The following DIDO1 variants were observed in gnomAD, a reference collection of about 807,000 sequenced individuals.
DIDO1 encodes death-inducer obliterator 1.
In DIDO1, 16 loss-of-function variants were observed where a neutral mutation model predicts 99.4. The observed-to-expected ratio is 0.16, with a 90% CI of 0.11 to 0.24. DIDO1 has a LOEUF of 0.24. Among genes scored for constraint, DIDO1 ranks in the 10% least tolerant of loss-of-function variants. The pLI is 1.00. For missense variants in DIDO1, 2,996 were observed against 3,014.0 expected (o/e 0.99, Z 0.14); for synonymous variants, 1,366 against 1,239.1 (o/e 1.10, Z -2.15).
chr20:62,900,838 C>T (rs2064655313), intron 6 of DIDO1, among the ~76,000 whole-genome samples: 1 of 152,188 alleles, frequency 6.6e-6, no homozygotes, highest in African/African-American at 2.4e-5. Flanking sequence ...GCTCTAAGGG[C>T]TGTTTCTATG....
chr20:62,912,711 C>A (rs2064969199), intron 2 of DIDO1, among the ~76,000 whole-genome samples: 1 of 152,164 alleles, frequency 6.6e-6, no homozygotes, highest in Non-Finnish European at 1.5e-5. Flanking sequence ...GGGGGAAGGA[C>A]TGGCATAAAA....
chr20:62,905,358 T>A, intron 6 of DIDO1: 1 of 1,439,904 alleles, frequency 6.9e-7, no homozygotes. Context: ...AAATCCCCTA[T>A]CTGCCCAGTC....
At position 62,910,764 on chromosome 20, in the gene DIDO1, CAT is replaced by C. The variant is rs778096151; in HGVS notation, c.839+8_839+9del. On this transcript the variant is annotated splice_region_variant and intron_variant, in intron 3 of 15. Transcript: ENST00000395343. ...CCTGGGATTTCTGTGGGTGCCCACA[CAT>C]GACCCACCTGTTGTTGTGAGGCTGG... 237 of 1,604,694 alleles carry C rather than the reference CAT, an allele frequency of 1.5e-4. No individual in the cohort carries two copies. The African/African-American group carries it at 1.6e-3, about 11-fold the overall frequency.
At chr20:62,931,982 CCAA>C (rs967742878) in intron 1 of DIDO1, among the ~76,000 whole-genome samples, 6 of 151,840 alleles carry the variant, frequency 4.0e-5, no homozygotes, top group Non-Finnish European at 8.8e-5. Context: ...GGAGGAAATA[CCAA>C]CAACAACAAC....
intron 2 of DIDO1, among the ~76,000 whole-genome samples, chr20:62,913,599 T>C (rs2064987106): frequency 6.6e-6 from 1 of 152,254 alleles, no homozygotes; most frequent in African/African-American, 2.4e-5. Context: ...CAAGCCAAAA[T>C]ATTTGCAAGA....
chr20:62,890,381 T>G (rs999105721), intron 15 of DIDO1: 11 of 987,082 alleles, frequency 1.1e-5, no homozygotes, highest in Non-Finnish European at 1.2e-5. Flanking sequence ...TTAGGCTATT[T>G]GTAAATAATC....
At chr20:62,905,733 C>T (rs1328568051) in intron 6 of DIDO1, 154 bp downstream of exon 6, 1 of 1,606,810 alleles carries the variant, frequency 6.2e-7, no homozygotes, top group East Asian at 2.2e-5. Context: ...AGGAGGCATC[C>T]TGGACATGGG....
Position 62,894,470 on chromosome 20 carries a change from C to T in DIDO1, c.2515G>A (p.Asp839Asn). The change falls in exon 11 of 16, where the codon GAC becomes AAC. Residue 839 changes from aspartate (D) to asparagine (N), a missense_variant. By Grantham distance (23) the Asp-to-Asn change is conservative (BLOSUM62 1). Transcript: ENST00000395343. The surrounding 1 kb of genome is among the most constrained non-coding windows in gnomAD (Gnocchi z 4.4). ...TGTGCGCGGTGCTGACTGGTGGTGT[C>T]TTTCAACATGCTGCTGAAGACGTCG... Reference protein sequence around the residue: ...LLDVFSSMLKDTTSQHRAHLF... With the variant: ...LLDVFSSMLKNTTSQHRAHLF... The T allele has an allele frequency of 6.2e-7, 1 of 1,613,626 alleles. No individual in the cohort carries two copies. The highest frequency in any genetic ancestry group is 8.5e-7 in the Non-Finnish European group (1 of 1,180,020).
In DIDO1 at chr20:62,907,195, C is replaced by A; in HGVS notation, c.1326G>T (p.Lys442Asn). Residue 442 changes from lysine to asparagine, a missense_variant, in exon 5 of 16, where the codon AAG (lysine) becomes AAT (asparagine). Transcript: ENST00000395343. ...TGGGCTTCTCTGGCTTCATCTTCAT[C>A]TTTTCTTTAGGCTTTGGCTTCTGTT... The part of the protein sequence containing the change: ...GKEQKPKPKE[K>N]MKMKPEKPSL... The A allele has an allele frequency of 6.2e-7, 1 of 1,614,258 alleles. No homozygotes were observed. The highest frequency in any genetic ancestry group is 1.1e-5 in the South Asian group (1 of 91,090).
chr20:62,881,162 AC>A lies in DIDO1; in HGVS notation c.4793del (p.Gly1598ValfsTer266). 6.2e-7 allele frequency: 1 copy of A among 1,608,268 alleles called. No homozygotes were observed. On this transcript the variant is annotated frameshift_variant, in exon 16 of 16. Coordinates refer to ENST00000395343, the MANE Select transcript of DIDO1 (RefSeq NM_001193369.2). LOFTEE classifies it low-confidence loss of function (END_TRUNC). This position sits in a 1 kb window ranked among gnomAD's most constrained non-coding sequence, Gnocchi z 8.3. ...GALPERDASR[G>X]GLVGQAPMPV... is the part of the protein sequence containing the mutation. ...GCATGGGCGCCTGGCCCACGAGGCC[AC>A]CCCTGGAAGCATCTCTCTCGGGCAG... is the stretch of plus-strand genomic sequence containing the variant.
In DIDO1 at chr20:62,881,628, T is replaced by C. The variant is rs1192510042; in HGVS notation, c.4328A>G (p.Asp1443Gly). The C allele has an allele frequency of 2.5e-6, 4 of 1,612,500 alleles. No homozygotes were observed. The highest frequency in any genetic ancestry group is 1.1e-5 in the South Asian group (1 of 91,076). ...ILEEAKVTVD[D>G]LPNRMCADVR... Reference sequence around the variant, plus strand: ...GTCGGCACACATCCTGTTGGGCAGGTCATCAACAGTCACTTTCGCTTCTTC... The same window carrying C: ...GTCGGCACACATCCTGTTGGGCAGGCCATCAACAGTCACTTTCGCTTCTTC... The change falls in exon 16 of 16, where the codon GAC (aspartate) becomes GGC (glycine). Residue 1443 changes from aspartate to glycine, a missense_variant. Around this residue, in one of 5 missense-constraint regions of DIDO1, gnomAD observed 1,562 missense variants for 1,412.6 expected, o/e 1.11. Transcript: ENST00000395343. The surrounding 1 kb of genome is among the most constrained non-coding windows in gnomAD (Gnocchi z 8.3).
chr20:62,915,254 G>T (rs951273336), intron 1 of DIDO1, among the ~76,000 whole-genome samples: 1 of 152,130 alleles, frequency 6.6e-6, no homozygotes, highest in East Asian at 1.9e-4. Flanking sequence ...TTGAGCCCAG[G>T]AGTTCAACAC....
intron 15 of DIDO1, chr20:62,890,657 G>C (rs1213213969): frequency 1.6e-6 from 2 of 1,250,824 alleles, no homozygotes; most frequent in Non-Finnish European, 2.0e-6. Context: ...TTCTGGCTGA[G>C]CCTTGGGCTT....
rs370688315 is a variant in DIDO1, at chr20:62,889,276, C to T, written c.3541+1684G>A. On this transcript the variant is annotated intron_variant, in intron 15 of 15. Coordinates refer to ENST00000395343, the MANE Select transcript of DIDO1 (RefSeq NM_001193369.2). Reference sequence around the variant, plus strand: ...GCCCTTGCTGTGGGGAGAATGGAGGCGCCGCTCCTCTGGTGGCCTCCCTGG... The same window carrying T: ...GCCCTTGCTGTGGGGAGAATGGAGGTGCCGCTCCTCTGGTGGCCTCCCTGG... 65 of 985,558 alleles carry T rather than the reference C, an allele frequency of 6.6e-5. No individual in the cohort carries two copies. In the African/African-American group the frequency reaches 8.5e-4, roughly 13 times the overall value. 61.1% of individuals were successfully genotyped at this position (985,558 alleles called of 1,614,324 possible).
At chr20:62,902,519 G>GGCTTTAAATTCCTGCAAAACACTT (rs2064705970) in intron 6 of DIDO1, among the ~76,000 whole-genome samples, 1 of 152,064 alleles carries the variant, frequency 6.6e-6, no homozygotes, top group Admixed American at 6.6e-5. Flanking sequence ...CTCCTCTCCC[G>GGCTTTAAATTCCTGCAAAACACTT]GCTTTAAATT....
Position 62,880,889 on chromosome 20 carries a change from C to T in DIDO1, c.5067G>A (p.Ala1689=), listed in dbSNP as rs1434223324. 12 of 1,611,906 alleles carry T rather than the reference C, an allele frequency of 7.4e-6. No homozygotes were observed. In the African/African-American group the frequency reaches 1.1e-4, roughly 14 times the overall value. ...CTGAGCCGAGAGCCTTGTCCTGCGA[C>T]GCGAACCCCGGGCAGGTGAAAGGGT... ...ERDPFTCPGF[A]SQDKALGSAQ... The change falls in exon 16 of 16, where the codon GCG becomes GCA. Residue 1689 remains alanine (A), a synonymous_variant. Transcript: ENST00000395343.
chr20:62,892,099 A>T (rs1368119383), intron 13 of DIDO1, 23 bp from the exon 14 acceptor site: 1 of 1,603,628 alleles, frequency 6.2e-7, no homozygotes, highest in Non-Finnish European at 8.5e-7. Flanking sequence ...TACTTTGCGT[A>T]AATCACTTTG....
chr20:62,897,604 CTG>C (rs1240773779), intron 6 of DIDO1, among the ~76,000 whole-genome samples: 2 of 152,196 alleles, frequency 1.3e-5, no homozygotes, highest in Non-Finnish European at 2.9e-5. Flanking sequence ...CGCAGCAATG[CTG>C]TTACAGGAAT....
At chr20:62,893,360 T>C (rs2064439771) in intron 12 of DIDO1, among the ~76,000 whole-genome samples, 1 of 152,236 alleles carries the variant, frequency 6.6e-6, no homozygotes, top group South Asian at 2.1e-4. Flanking sequence ...AAGTTTTACG[T>C]TTTTGGTAGC....
Sources: gnomAD v4.1 joint callset for allele counts (sites outside exome capture counted in the v4.1 genomes callset) on GRCh38, gnomAD v4.1.1 for gene constraint, gnomAD v4.1.1 regional missense constraint, Gnocchi (gnomAD v3.1) non-coding constraint, MANE v1.5 for transcripts, NCBI Gene and HGNC (gene_info 2026-07-23, HGNC 2026-07-21) for gene names.